Variants in COL6A6 observed in about 807,000 individuals in gnomAD.
COL6A6 encodes collagen alpha-6(VI) chain.
In COL6A6, 183 loss-of-function variants were observed where a neutral mutation model predicts 208.6. The ratio of observed to expected loss-of-function variants is 0.88; its 90% CI spans 0.78 to 0.99. The LOEUF (loss-of-function observed/expected upper bound fraction) is 0.99. Ranked by LOEUF, COL6A6 falls within the 50% of genes least tolerant of loss-of-function variation. The pLI is 0.00. For synonymous variants in COL6A6, 973 were observed against 1,011.8 expected, an observed-to-expected ratio of 0.96 and a Z score of 0.73; for missense variants, 2,816 against 2,815.2, an observed-to-expected ratio of 1.00 and a Z score of -0.01.
chr3:130,661,374 T>C (rs958835551), intron 34 of COL6A6, among the ~76,000 whole-genome samples: 3 of 152,180 alleles, frequency 2.0e-5, no homozygotes, highest in African/African-American at 4.8e-5. Flanking sequence ...CAGCCAAGAT[T>C]AAACTTCTGT....
At chr3:130,572,619 A>G (rs1222569018) in intron 7 of COL6A6, among the ~76,000 whole-genome samples, 1 of 152,234 alleles carries the variant, frequency 6.6e-6, no homozygotes, top group East Asian at 1.9e-4. Flanking sequence ...GCCATTGTCT[A>G]AAATTGGATC....
chr3:130,548,295 G>A (rs1271210585), intron 1 of COL6A6, among the ~76,000 whole-genome samples: 1 of 152,200 alleles, frequency 6.6e-6, no homozygotes, highest in Non-Finnish European at 1.5e-5. Context: ...GGTAAGGAGA[G>A]GAAGTGTTGC....
At chr3:130,627,254 C>G in intron 25 of COL6A6, 65 bp from the exon 26 acceptor site, 1 of 1,486,962 alleles carries the variant, frequency 6.7e-7, no homozygotes, top group South Asian at 1.1e-5. Context: ...ATGTTGTCCT[C>G]TTGAAGAATA....
chr3:130,618,443 G>T lies in COL6A6; in HGVS notation c.4816-3378G>T, dbSNP rs536639977. On this transcript the variant is annotated intron_variant, in intron 23 of 36. Coordinates refer to ENST00000358511, the MANE Select transcript of COL6A6 (RefSeq NM_001102608.3). ...ATTACATCAAAGCCAAAGAAGATTT[G>T]ATCTCTAGCTAATGCCCTTCCCCTT... Among the ~76,000 whole-genome samples the T allele has an allele frequency of 6.1e-4, 93 of 152,320 alleles. No individual in the cohort carries two copies. The South Asian group carries it at 0.019, about 32-fold the overall frequency.
intron 1 of COL6A6, among the ~76,000 whole-genome samples, chr3:130,527,890 CTTTTTTTTTTTTT>C (rs56110472): frequency 3.5e-5 from 2 of 57,814 alleles, no homozygotes; most frequent in African/African-American, 6.1e-5. Flanking sequence ...GTTACTTTTC[CTTTTTTTTTTTTT>C]TTTTTTTTTT....
At chr3:130,590,608 C>T (rs2063685099) in intron 12 of COL6A6, among the ~76,000 whole-genome samples, 1 of 151,808 alleles carries the variant, frequency 6.6e-6, no homozygotes, top group African/African-American at 2.4e-5. Flanking sequence ...CGCTCTGCCG[C>T]CCAGGCTGGA....
intron 1 of COL6A6, among the ~76,000 whole-genome samples, chr3:130,557,763 A>G (rs1286504628): frequency 3.3e-5 from 5 of 152,206 alleles, no homozygotes; most frequent in African/African-American, 1.2e-4. Context: ...ATGGAGCAGA[A>G]GTTTCTCTGA....
At position 130,533,253 on chromosome 3, in the gene COL6A6, T is replaced by TTAAA. The variant is rs745978217; in HGVS notation, c.-32+15856_-32+15857insTAAA. ...TTTCATAGCCTTACATCCCAGGAATTAAAAAAAAAAAAAAAAAAAGCAAAA... is the reference window on the plus strand; with the variant it reads ...TTTCATAGCCTTACATCCCAGGAATTTAAAAAAAAAAAAAAAAAAAAAAGCAAAA... On this transcript the variant is annotated intron_variant, in intron 1 of 36. Coordinates refer to ENST00000358511, the MANE Select transcript of COL6A6 (RefSeq NM_001102608.3). Among the ~76,000 whole-genome samples the TTAAA allele has an allele frequency of 8.7e-3, 1,133 of 129,516 alleles. 9 individuals carry two copies. Among genetic ancestry groups the TTAAA allele is most frequent in the Middle Eastern group, 0.027 (7 of 256 alleles). 85.0% of individuals were successfully genotyped at this position (129,516 alleles called of 152,430 possible).
chr3:130,543,914 C>CT (rs1326354692), intron 1 of COL6A6, among the ~76,000 whole-genome samples: 1 of 152,084 alleles, frequency 6.6e-6, no homozygotes. Flanking sequence ...TATTTCTTCA[C>CT]TTTTTTATTG....
chr3:130,537,352 T>C (rs2062250524), intron 1 of COL6A6, among the ~76,000 whole-genome samples: 1 of 152,218 alleles, frequency 6.6e-6, no homozygotes, highest in Non-Finnish European at 1.5e-5. Flanking sequence ...CTTAGAATAA[T>C]GGCTGGCACT....
At chr3:130,546,849 A>G (rs2062516149) in intron 1 of COL6A6, among the ~76,000 whole-genome samples, 1 of 152,114 alleles carries the variant, frequency 6.6e-6, no homozygotes, top group African/African-American at 2.4e-5. Flanking sequence ...AAAGTTCTTC[A>G]AGTCCCCACT....
chr3:130,527,237 G>C (rs781296119), intron 1 of COL6A6, among the ~76,000 whole-genome samples: 1 of 152,216 alleles, frequency 6.6e-6, no homozygotes, highest in Non-Finnish European at 1.5e-5. Context: ...GGTAGCTCAA[G>C]TCTATTACAC....
chr3:130,647,287 C>T (rs2065488782), intron 32 of COL6A6, among the ~76,000 whole-genome samples: 1 of 152,126 alleles, frequency 6.6e-6, no homozygotes, highest in South Asian at 2.1e-4. Flanking sequence ...GGTTTTTCCC[C>T]TAAAAAAACT....
At chr3:130,598,155 TG>T (rs1438135686) in intron 18 of COL6A6, among the ~76,000 whole-genome samples, 1 of 152,146 alleles carries the variant, frequency 6.6e-6, no homozygotes, top group Non-Finnish European at 1.5e-5. Flanking sequence ...CCCACACACA[TG>T]CCTTAGGTCT....
At chr3:130,673,208 C>A (rs111385974) in intron 36 of COL6A6, among the ~76,000 whole-genome samples, 135 of 95,070 alleles carry the variant, frequency 1.4e-3, no homozygotes, top group African/African-American at 2.0e-3. Flanking sequence ...ACAAAAAAAA[C>A]AAAAAAAACA....
Position 130,565,115 on chromosome 3 carries a change from A to G in COL6A6, c.783A>G (p.Ile261Met). The G allele has an allele frequency of 1.2e-6, 2 of 1,614,022 alleles. No homozygotes were observed. Among genetic ancestry groups the G allele is most frequent in the Non-Finnish European group, 1.7e-6 (2 of 1,179,884 alleles). ...FLEESVSALD[I>M]KENCMRVGLV... ...AAGAAAGTGTATCTGCCCTTGACAT[A>G]AAGGAAAATTGCATGAGGGTTGGCC... Residue 261 changes from isoleucine to methionine, a missense_variant, in exon 4 of 37, where the codon ATA becomes ATG. Transcript: ENST00000358511.
intron 23 of COL6A6, among the ~76,000 whole-genome samples, chr3:130,611,418 A>G (rs1314299466): frequency 6.6e-6 from 1 of 152,116 alleles, no homozygotes; most frequent in African/African-American, 2.4e-5. Flanking sequence ...TCTGGCCCTC[A>G]CCTACCTGCT....
chr3:130,559,449 C>G (rs1378283315), intron 1 of COL6A6, among the ~76,000 whole-genome samples: 1 of 152,142 alleles, frequency 6.6e-6, no homozygotes, highest in African/African-American at 2.4e-5. Flanking sequence ...ATAAATGTCC[C>G]TTTTCTGAAG....
At chr3:130,578,146 G>T (rs2107981434) in intron 8 of COL6A6, among the ~76,000 whole-genome samples, 1 of 152,246 alleles carries the variant, frequency 6.6e-6, no homozygotes, top group Admixed American at 6.5e-5. Flanking sequence ...GCCATGATTA[G>T]GTAGCAGAGA....
Sources: allele counts gnomAD v4.1 joint callset (sites outside exome capture counted in the v4.1 genomes callset), GRCh38; gene constraint gnomAD v4.1.1; transcripts MANE v1.5; gene names NCBI Gene and HGNC (gene_info 2026-07-23, HGNC 2026-07-21).